Variants in SRPK1 observed in about 807,000 individuals in gnomAD.
The protein encoded by SRPK1 is SFRS protein kinase 1.
Under a neutral mutation model 89.5 loss-of-function variants are expected in SRPK1, and 52 were observed. The ratio of observed to expected loss-of-function variants is 0.58; its 90% CI spans 0.46 to 0.73. The LOEUF is 0.73. Ranked by LOEUF, SRPK1 falls within the 30% of genes least tolerant of loss-of-function variation. SRPK1 has a pLI of 0.00. For missense variants in SRPK1, 603 were observed against 780.6 expected (o/e 0.77, Z 2.71); for synonymous variants, 255 against 270.2 (o/e 0.94, Z 0.55).
At chr6:35,840,155 T>G (rs773538516) in intron 14 of SRPK1, among the ~76,000 whole-genome samples, 1 of 152,260 alleles carries the variant, frequency 6.6e-6, no homozygotes, top group Admixed American at 6.5e-5. Context: ...TTTTATCGTG[T>G]AGTTACAGAA....
chr6:35,919,611 T>C lies in SRPK1; in HGVS notation c.74+857A>G, dbSNP rs149602139. On this transcript the variant is annotated intron_variant, in intron 2 of 15. Coordinates refer to ENST00000373825, the MANE Select transcript of SRPK1 (RefSeq NM_003137.5). ...AAGATCCTTTGCAATTAAACGTTAG[T>C]ACATGATGAAAGTTCTTAAGGCTTA... 1.6e-3 allele frequency among the ~76,000 whole-genome samples: 239 copies of C among 152,350 alleles called. 2 individuals carry two copies. The South Asian group carries it at 0.023, about 15-fold the overall frequency.
intron 13 of SRPK1, among the ~76,000 whole-genome samples, chr6:35,852,684 G>A (rs1561970518): frequency 6.6e-6 from 1 of 152,196 alleles, no homozygotes; most frequent in African/African-American, 2.4e-5. Flanking sequence ...GGTGATGATG[G>A]AGAAAGAGCT....
chr6:35,921,044 CT>C lies in SRPK1; in HGVS notation c.12del (p.Val5CysfsTer66). 1 of 1,546,662 alleles carries C rather than the reference CT, an allele frequency of 6.5e-7. No homozygotes were observed. The highest frequency in any genetic ancestry group is 8.7e-7 in the Non-Finnish European group (1 of 1,148,984). On this transcript the variant is annotated frameshift_variant and splice_region_variant, in exon 1 of 16. Coordinates refer to ENST00000373825, the MANE Select transcript of SRPK1 (RefSeq NM_003137.5). LOFTEE classifies it high-confidence loss of function. The part of the protein sequence containing the change: MER[K>X]VLALQARKKR... The stretch of plus-strand genomic sequence containing the variant: ...TGGCGGAGGCCGCTCCACCGCTCAC[CT>C]TTCCGCTCCATGGTGAGACCGGTAA...
rs548142460 is a variant in SRPK1 at position 35,870,812 on chromosome 6, G to A, written c.777+122C>T. 7 of 829,180 alleles carry A rather than the reference G, an allele frequency of 8.4e-6. No individual in the cohort carries two copies. The East Asian group carries it at 1.3e-4, about 16-fold the overall frequency. 51.4% of individuals were successfully genotyped at this position (829,180 alleles called of 1,614,324 possible). A position where few individuals can be genotyped will look rare whatever the true frequency, so the allele number is the denominator to read the frequency against. On this transcript the variant is annotated intron_variant, in intron 9 of 15. Coordinates refer to ENST00000373825, the MANE Select transcript of SRPK1 (RefSeq NM_003137.5). ...GAATTTACTGGAGAAAATTATAGAA[G>A]CGCAGGAATTTTTTTTCCTTTTGGT...
intron 12 of SRPK1, among the ~76,000 whole-genome samples, chr6:35,858,908 C>T (rs555885034): frequency 2.6e-5 from 4 of 152,170 alleles, no homozygotes; most frequent in South Asian, 2.1e-4. Context: ...TAGGACACAG[C>T]GCTTTAGAAA....
At chr6:35,862,073 TAACAACAACAAC>T (rs201751746) in intron 12 of SRPK1, among the ~76,000 whole-genome samples, 3 of 151,532 alleles carry the variant, frequency 2.0e-5, no homozygotes, top group Admixed American at 6.6e-5. Context: ...CCATCACAGC[TAACAACAACAAC>T]AACAACAACA....
At position 35,835,366 on chromosome 6, in the gene SRPK1, G is replaced by T. The variant is rs1321988790; in HGVS notation, c.1906C>A (p.Leu636Met). 1 of 1,613,694 alleles carries T rather than the reference G, an allele frequency of 6.2e-7. No individual in the cohort carries two copies. Among genetic ancestry groups the T allele is most frequent in the African/African-American group, 1.3e-5 (1 of 74,904 alleles). ...GCAGTGGCTCTCTTCTCAGGGATCAGCTCCAACATGGGCAGTAAGAAATCT... is the reference window on the plus strand; with the variant it reads ...GCAGTGGCTCTCTTCTCAGGGATCATCTCCAACATGGGCAGTAAGAAATCT... The part of the protein sequence containing the change: ...FTDFLLPMLE[L>M]IPEKRATAAE... Residue 636 changes from leucine (L) to methionine (M), a missense_variant, in exon 16 of 16, where the codon CTG becomes ATG. Leu to Met is a conservative substitution (Grantham distance 15, BLOSUM62 2). Transcript: ENST00000373825.
chr6:35,862,790 TG>T (rs1269643474), intron 12 of SRPK1, among the ~76,000 whole-genome samples: 2 of 152,080 alleles, frequency 1.3e-5, no homozygotes, highest in African/African-American at 4.8e-5. Flanking sequence ...ATTCAAGAGA[TG>T]AATGAGAAAT....
chr6:35,893,881 T>C (rs1325630731), intron 2 of SRPK1, among the ~76,000 whole-genome samples: 1 of 152,018 alleles, frequency 6.6e-6, no homozygotes, highest in Non-Finnish European at 1.5e-5. Flanking sequence ...CACAGTGGCA[T>C]GCGCCTGTAA....
intron 2 of SRPK1, 105 bp from the exon 3 acceptor site, chr6:35,891,118 C>T (rs1044345987): frequency 7.6e-7 from 1 of 1,310,432 alleles, no homozygotes; most frequent in East Asian, 2.8e-5. Flanking sequence ...ATAATATGAA[C>T]AGAGTATTAC....
intron 3 of SRPK1, among the ~76,000 whole-genome samples, chr6:35,889,271 G>GT (rs1770470537): frequency 6.6e-6 from 1 of 151,342 alleles, no homozygotes; most frequent in Non-Finnish European, 1.5e-5. Context: ...AGTCTCAGGT[G>GT]TTTTTTAGGA....
chr6:35,841,480 A>AT (rs1168398974), intron 14 of SRPK1, among the ~76,000 whole-genome samples: 6 of 152,198 alleles, frequency 3.9e-5, no homozygotes, highest in African/African-American at 1.2e-4. Context: ...TGCTGTAGTG[A>AT]TATCTCAAAA....
At chr6:35,896,034 C>T (rs1372193750) in intron 2 of SRPK1, among the ~76,000 whole-genome samples, 1 of 152,182 alleles carries the variant, frequency 6.6e-6, no homozygotes, top group African/African-American at 2.4e-5. Context: ...TTTAGAAAAA[C>T]CAGTAAACAT....
intron 2 of SRPK1, among the ~76,000 whole-genome samples, chr6:35,908,335 G>A (rs1484614816): frequency 6.6e-6 from 1 of 152,208 alleles, no homozygotes. Flanking sequence ...AATGCTGATA[G>A]TGAGGTGAAC....
intron 12 of SRPK1, among the ~76,000 whole-genome samples, chr6:35,863,685 A>G (rs183176236): frequency 3.3e-5 from 5 of 151,946 alleles, no homozygotes; most frequent in Non-Finnish European, 5.9e-5. Flanking sequence ...AGGGATTTCA[A>G]AAAAAAGCTG....
Position 35,836,722 on chromosome 6 carries a change from T to G in SRPK1, c.1784-1234A>C, listed in dbSNP as rs1037878421. 4.6e-5 allele frequency among the ~76,000 whole-genome samples: 7 copies of G among 151,352 alleles called. No homozygotes were observed. The East Asian group carries it at 7.7e-4, about 17-fold the overall frequency. On this transcript the variant is annotated intron_variant, in intron 15 of 15. Coordinates refer to ENST00000373825, the MANE Select transcript of SRPK1 (RefSeq NM_003137.5). ...GTGAGCCAAGATCGTGCCACTGTAC[T>G]CCAGCCTGGGTGACAGAGTGATACC... is the stretch of plus-strand genomic sequence containing the variant.
intron 2 of SRPK1, among the ~76,000 whole-genome samples, chr6:35,911,262 A>C (rs183197096): frequency 4.7e-4 from 72 of 152,340 alleles, no homozygotes; most frequent in Non-Finnish European, 1.2e-4. Flanking sequence ...ACCCTCATGC[A>C]TGACTGAAAT....
At chr6:35,904,153 A>G (rs750969755) in intron 2 of SRPK1, among the ~76,000 whole-genome samples, 6 of 152,114 alleles carry the variant, frequency 3.9e-5, no homozygotes, top group Non-Finnish European at 5.9e-5. Context: ...TGTTTAGTGG[A>G]AACATTTTAC....
chr6:35,844,193 C>T (rs1769379597), intron 13 of SRPK1, among the ~76,000 whole-genome samples: 1 of 151,414 alleles, frequency 6.6e-6, no homozygotes, highest in Non-Finnish European at 1.5e-5. Flanking sequence ...TTTAGTAGGA[C>T]AGGGTTTCAC....
Sources: gnomAD v4.1 joint callset for allele counts (sites outside exome capture counted in the v4.1 genomes callset) on GRCh38, gnomAD v4.1.1 for gene constraint, MANE v1.5 for transcripts, NCBI Gene and HGNC (gene_info 2026-07-23, HGNC 2026-07-21) for gene names.